The following LUZP2 variants were observed in gnomAD, a reference collection of about 807,000 sequenced individuals.
The protein encoded by LUZP2 is leucine zipper protein 2.
Under a neutral mutation model 51.6 loss-of-function variants are expected in LUZP2, and 52 were observed. That is an observed-to-expected ratio of 1.01 (90% CI 0.81 to 1.27). LUZP2 has a LOEUF of 1.27. Among genes scored for constraint, LUZP2 ranks in the 50% most tolerant of loss-of-function variants. LUZP2 has a pLI of 0.00. For synonymous variants in LUZP2, 154 were observed against 137.3 expected (o/e 1.12, Z -0.85); for missense variants, 436 against 395.4 (o/e 1.10, Z -0.87).
chr11:24,798,212 ATT>A (rs1849601492), intron 5 of LUZP2, among the ~76,000 whole-genome samples: 3 of 84,818 alleles, frequency 3.5e-5, no homozygotes, highest in Non-Finnish European at 6.2e-5. Flanking sequence ...CTTTTTTTTT[ATT>A]ATTTATGTAT....
At chr11:24,537,294 TGTAAA>T (rs1401459629) in intron 1 of LUZP2, among the ~76,000 whole-genome samples, 1 of 151,864 alleles carries the variant, frequency 6.6e-6, no homozygotes, top group Non-Finnish European at 1.5e-5. Context: ...ATGCAACACT[TGTAAA>T]GTGCAATAAA....
At chr11:24,838,593 A>G (rs1157039796) in intron 5 of LUZP2, among the ~76,000 whole-genome samples, 1 of 151,728 alleles carries the variant, frequency 6.6e-6, no homozygotes, top group African/African-American at 2.4e-5. Flanking sequence ...ACAAGCTAAG[A>G]GCATTTAAGT....
chr11:24,931,744 A>G (rs1854462317), intron 7 of LUZP2, among the ~76,000 whole-genome samples: 2 of 151,870 alleles, frequency 1.3e-5, no homozygotes, highest in South Asian at 4.1e-4. Flanking sequence ...CAATTCAGAG[A>G]TTTTTGTCTT....
chr11:24,712,931 T>G (rs1477043440), intron 1 of LUZP2, among the ~76,000 whole-genome samples: 1 of 152,172 alleles, frequency 6.6e-6, no homozygotes, highest in African/African-American at 2.4e-5. Context: ...ATTTTTAACT[T>G]GAAACCATCT....
intron 1 of LUZP2, among the ~76,000 whole-genome samples, chr11:24,720,887 G>A (rs1858242945): frequency 6.6e-6 from 1 of 152,138 alleles, no homozygotes; most frequent in African/African-American, 2.4e-5. Flanking sequence ...TTTTAGTAGA[G>A]ACAGGGTTTC....
chr11:24,636,528 T>C (rs1189160850), intron 1 of LUZP2, among the ~76,000 whole-genome samples: 2 of 152,100 alleles, frequency 1.3e-5, no homozygotes, highest in Non-Finnish European at 2.9e-5. Context: ...ATTGTGGGAG[T>C]ATAAAATGTG....
chr11:24,705,677 C>G (rs560867332), intron 1 of LUZP2, among the ~76,000 whole-genome samples: 1 of 152,300 alleles, frequency 6.6e-6, no homozygotes, highest in East Asian at 1.9e-4. Flanking sequence ...CAAATGACCT[C>G]TGCTAGTTGG....
chr11:24,706,140 A>G (rs1265461100), intron 1 of LUZP2, among the ~76,000 whole-genome samples: 1 of 152,186 alleles, frequency 6.6e-6, no homozygotes, highest in East Asian at 1.9e-4. Context: ...GGTGCATAAA[A>G]TTACCTCGAA....
At chr11:24,795,256 A>C (rs546263994) in intron 5 of LUZP2, among the ~76,000 whole-genome samples, 93 of 152,200 alleles carry the variant, frequency 6.1e-4, no homozygotes, top group African/African-American at 2.2e-3. Context: ...GATCTTCAGA[A>C]ACACTCTTTT....
At chr11:24,519,570 A>G (rs1354002549) in intron 1 of LUZP2, among the ~76,000 whole-genome samples, 3 of 152,184 alleles carry the variant, frequency 2.0e-5, no homozygotes, top group South Asian at 2.1e-4. Flanking sequence ...CTCCAAAACT[A>G]TCTTAGTGAA....
chr11:24,792,296 G>T (rs964401997), intron 5 of LUZP2, among the ~76,000 whole-genome samples: 3 of 151,870 alleles, frequency 2.0e-5, no homozygotes, highest in Non-Finnish European at 2.9e-5. Flanking sequence ...GCATGGTGGT[G>T]CACACCTGTA....
chr11:25,026,987 G>T (rs1487220024), intron 9 of LUZP2, among the ~76,000 whole-genome samples: 3 of 149,110 alleles, frequency 2.0e-5, no homozygotes, highest in African/African-American at 7.4e-5. Flanking sequence ...TTAAACATTT[G>T]CCTGTGTTCT....
At chr11:24,776,848 C>T (rs1450679963) in intron 5 of LUZP2, among the ~76,000 whole-genome samples, 1 of 152,104 alleles carries the variant, frequency 6.6e-6, no homozygotes, top group Non-Finnish European at 1.5e-5. Context: ...GTTTCCAATC[C>T]TCAGAGATTC....
At chr11:25,035,873 A>G (rs937757874) in intron 9 of LUZP2, among the ~76,000 whole-genome samples, 4 of 152,020 alleles carry the variant, frequency 2.6e-5, no homozygotes, top group Non-Finnish European at 4.4e-5. Flanking sequence ...GTTTGCTAAT[A>G]TTTTGTTGAG....
chr11:24,535,263 G>A (rs1851143088), intron 1 of LUZP2, among the ~76,000 whole-genome samples: 1 of 151,428 alleles, frequency 6.6e-6, no homozygotes, highest in African/African-American at 2.4e-5. Flanking sequence ...GCTAAAGGTT[G>A]GGGTAGCTGT....
At chr11:24,907,392 A>G (rs1853492187) in intron 6 of LUZP2, among the ~76,000 whole-genome samples, 1 of 152,044 alleles carries the variant, frequency 6.6e-6, no homozygotes, top group African/African-American at 2.4e-5. Context: ...TATATATGGC[A>G]TGAATAGAAG....
At chr11:24,963,706 C>G (rs537834272) in intron 7 of LUZP2, among the ~76,000 whole-genome samples, 2 of 152,154 alleles carry the variant, frequency 1.3e-5, no homozygotes, top group Non-Finnish European at 2.9e-5. Flanking sequence ...CTCCTTGACC[C>G]CTTGTGCTTC....
At position 24,506,940 on chromosome 11, in the gene LUZP2, G is replaced by T. The variant is rs569357440; in HGVS notation, c.62+9635G>T. On this transcript the variant is annotated intron_variant, in intron 1 of 11. Transcript: ENST00000336930. Reference sequence around the variant, plus strand: ...AATAATCAGTACTACAAATAAGAAAGCAGAAGCTAAACCATACTGGCAAAG... The same window carrying T: ...AATAATCAGTACTACAAATAAGAAATCAGAAGCTAAACCATACTGGCAAAG... 2.0e-5 allele frequency among the ~76,000 whole-genome samples: 3 copies of T among 152,150 alleles called. No individual in the cohort carries two copies. In the South Asian group the frequency reaches 6.2e-4, roughly 32 times the overall value.
chr11:24,757,991 C>A (rs1415456092), intron 4 of LUZP2, among the ~76,000 whole-genome samples: 1 of 151,994 alleles, frequency 6.6e-6, no homozygotes, highest in Non-Finnish European at 1.5e-5. Flanking sequence ...TTTTCAATGA[C>A]CAATTAATTC....
Sources: gnomAD v4.1 joint callset for allele counts (sites outside exome capture counted in the v4.1 genomes callset) on GRCh38, gnomAD v4.1.1 for gene constraint, MANE v1.5 for transcripts, NCBI Gene and HGNC (gene_info 2026-07-23, HGNC 2026-07-21) for gene names.